Variants in DIAPH2 observed in about 807,000 individuals in gnomAD.
DIAPH2 encodes diaphanous related formin 2, also known as protein diaphanous homolog 2.
Under a neutral mutation model 92.7 loss-of-function variants are expected in DIAPH2, and 35 were observed. That is an observed-to-expected ratio of 0.38 (90% confidence interval 0.29 to 0.50). DIAPH2 has a LOEUF of 0.50. Ranked by LOEUF, DIAPH2 falls within the 20% of genes least tolerant of loss-of-function variation. The probability of loss-of-function intolerance (pLI) is 0.94; values close to 1 mark genes in which losing one functional copy is unlikely to be tolerated. For missense variants in DIAPH2, 701 were observed against 819.5 expected (o/e 0.86, Z 1.77); for synonymous variants, 301 against 280.4 (o/e 1.07, Z -0.73).
intron 26 of DIAPH2, among the ~76,000 whole-genome samples, chrX:97,432,668 G>A (rs765793461): frequency 2.7e-4 from 30 of 111,087 alleles, no homozygotes; most frequent in Non-Finnish European, 5.1e-4. Flanking sequence ...TGTATTTTTA[G>A]TAGAGATGGT....
intron 26 of DIAPH2, among the ~76,000 whole-genome samples, chrX:97,565,078 C>T (rs1254069351): frequency 1.8e-5 from 2 of 111,702 alleles, no homozygotes; most frequent in Admixed American, 1.9e-4. Flanking sequence ...CTTTGGACTC[C>T]ACCTGCATTT....
At chrX:97,260,060 C>A (rs1158596270) in intron 23 of DIAPH2, among the ~76,000 whole-genome samples, 1 of 112,469 alleles carries the variant, frequency 8.9e-6, no homozygotes, top group African/African-American at 3.2e-5. Flanking sequence ...GAACTCCTGA[C>A]TTCAGGTGAT....
chrX:96,774,797 A>G (rs1433658888), intron 4 of DIAPH2, among the ~76,000 whole-genome samples: 2 of 112,026 alleles, frequency 1.8e-5, no homozygotes, highest in African/African-American at 3.2e-5. Context: ...ATACTGTGTA[A>G]TTAAAATGCT....
intron 26 of DIAPH2, among the ~76,000 whole-genome samples, chrX:97,456,392 A>T (rs1239810504): frequency 9.0e-6 from 1 of 111,429 alleles, no homozygotes; most frequent in Non-Finnish European, 1.9e-5. Context: ...GTCTCAGAAA[A>T]AAAAAAAAAG....
intron 4 of DIAPH2, among the ~76,000 whole-genome samples, chrX:96,814,493 T>G (rs973305699): frequency 1.8e-5 from 2 of 111,869 alleles, no homozygotes; most frequent in South Asian, 7.5e-4. Flanking sequence ...CTCGGAGAAG[T>G]TGGTTATTAC....
chrX:97,256,117 A>G (rs1033115420), intron 23 of DIAPH2, among the ~76,000 whole-genome samples: 3 of 112,496 alleles, frequency 2.7e-5, no homozygotes, highest in Non-Finnish European at 5.6e-5. Context: ...CGCTCTCACC[A>G]GAAGCTAAGT....
At chrX:96,913,202 CA>C (rs899077629) in intron 7 of DIAPH2, among the ~76,000 whole-genome samples, 3 of 110,081 alleles carry the variant, frequency 2.7e-5, no homozygotes, top group East Asian at 5.7e-4. Flanking sequence ...ATGAAACAAA[CA>C]AAAAAAATGA....
chrX:97,469,826 T>C, intron 26 of DIAPH2: 1 of 1,157,583 alleles, frequency 8.6e-7, no homozygotes, highest in Non-Finnish European at 1.2e-6. Context: ...AAGTTTCTAG[T>C]GGAAACATGA....
At chrX:96,836,659 A>T (rs1393822325) in intron 4 of DIAPH2, among the ~76,000 whole-genome samples, 2 of 84,572 alleles carry the variant, frequency 2.4e-5, no homozygotes, top group Non-Finnish European at 4.4e-5. Context: ...TAGGGACTTG[A>T]CTAATTTCAT....
At chrX:97,214,783 A>T (rs1463794893) in intron 22 of DIAPH2, among the ~76,000 whole-genome samples, 1 of 104,153 alleles carries the variant, frequency 9.6e-6, no homozygotes, top group Non-Finnish European at 2.0e-5. Flanking sequence ...GTAAGCTGAG[A>T]TCGCACCATT....
intron 4 of DIAPH2, among the ~76,000 whole-genome samples, chrX:96,787,269 G>C (rs762529251): frequency 1.8e-5 from 2 of 111,494 alleles, no homozygotes; most frequent in African/African-American, 6.5e-5. Flanking sequence ...TTGCAGTGAG[G>C]CTATTAGTTT....
intron 22 of DIAPH2, among the ~76,000 whole-genome samples, chrX:97,158,432 A>G (rs749659095): frequency 8.9e-5 from 10 of 111,847 alleles, no homozygotes; most frequent in African/African-American, 3.2e-4. Context: ...ACTCCTCGGC[A>G]GTGTTCTCTT....
chrX:96,809,502 T>C (rs1462748159), intron 4 of DIAPH2, among the ~76,000 whole-genome samples: 1 of 108,520 alleles, frequency 9.2e-6, no homozygotes, highest in Non-Finnish European at 1.9e-5. Flanking sequence ...AACTCTTTTT[T>C]TTTCTTTCTT....
intron 22 of DIAPH2, among the ~76,000 whole-genome samples, chrX:97,179,570 A>G (rs2067522648): frequency 1.8e-5 from 2 of 111,592 alleles, no homozygotes; most frequent in Admixed American, 9.5e-5. Context: ...ATAGTATTCC[A>G]TGATGTATAT....
intron 22 of DIAPH2, among the ~76,000 whole-genome samples, chrX:97,142,964 T>C (rs185875083): frequency 4.5e-5 from 5 of 111,897 alleles, no homozygotes; most frequent in East Asian, 2.8e-4. Flanking sequence ...TCTCAGCCAG[T>C]TGGGTATTGT....
At position 97,300,896 on chromosome X, in the gene DIAPH2, C is replaced by T. The variant is rs1376777750; in HGVS notation, c.2845-47220C>T. Among the ~76,000 whole-genome samples, 2 of 85,451 alleles carry T rather than the reference C, an allele frequency of 2.3e-5. 1 individual carries two copies. The highest frequency in any genetic ancestry group is 9.0e-5 in the African/African-American group (2 of 22,241). 74.2% of individuals were successfully genotyped at this position (85,451 alleles called of 115,157 possible). A position where few individuals can be genotyped will look rare whatever the true frequency, so the allele number is the denominator to read the frequency against. On this transcript the variant is annotated intron_variant, in intron 23 of 26. Coordinates refer to ENST00000324765, the MANE Select transcript of DIAPH2 (RefSeq NM_006729.5). The stretch of plus-strand genomic sequence containing the variant: ...GCTGTGAGCCGAGATCACGCCACTG[C>T]ACTCCAGCCTGGGCCACAGAGCAAG...
intron 26 of DIAPH2, among the ~76,000 whole-genome samples, chrX:97,504,424 T>C (rs2070819217): frequency 8.9e-6 from 1 of 112,734 alleles, no homozygotes; most frequent in African/African-American, 3.2e-5. Flanking sequence ...CAATTATGCT[T>C]TTAAAAGTAT....
chrX:97,390,123 G>T (rs553744668), intron 25 of DIAPH2, among the ~76,000 whole-genome samples: 53 of 109,524 alleles, frequency 4.8e-4, no homozygotes, highest in African/African-American at 1.7e-3. Flanking sequence ...AGGTCAAGCC[G>T]GTCAGAGAGC....
chrX:96,821,155 AACT>A, intron 4 of DIAPH2, among the ~76,000 whole-genome samples: 1 of 111,949 alleles, frequency 8.9e-6, no homozygotes, highest in South Asian at 3.8e-4. Flanking sequence ...ACTGAACTAA[AACT>A]ACTATTTGTC....
Sources: gnomAD v4.1 joint callset for allele counts (sites outside exome capture counted in the v4.1 genomes callset) on GRCh38, gnomAD v4.1.1 for gene constraint, MANE v1.5 for transcripts, NCBI Gene and HGNC (gene_info 2026-07-23, HGNC 2026-07-21) for gene names.